The following ENO4 variants were observed in gnomAD, a reference collection of about 807,000 sequenced individuals.
ENO4 encodes the protein enolase 4.
In ENO4, 53 loss-of-function variants were observed where a neutral mutation model predicts 63.2. The observed-to-expected ratio is 0.84, with a 90% CI of 0.67 to 1.05. ENO4 has a LOEUF of 1.05. ENO4 is among the 50% of genes least tolerant of loss of function. The pLI is 0.00. For missense variants in ENO4, 719 were observed against 772.0 expected, an observed-to-expected ratio of 0.93 and a Z score of 0.81; for synonymous variants, 266 against 283.8, an observed-to-expected ratio of 0.94 and a Z score of 0.63.
At chr10:116,866,033 G>A (rs1160134859) in intron 7 of ENO4, among the ~76,000 whole-genome samples, 1 of 152,140 alleles carries the variant, frequency 6.6e-6, no homozygotes, top group African/African-American at 2.4e-5. Context: ...ACTCACCCAA[G>A]ACCCCCAGGT....
At chr10:116,906,488 C>A in intron 10 of ENO4, 1 of 733,730 alleles carries the variant, frequency 1.4e-6, no homozygotes, top group South Asian at 3.2e-5. Context: ...ATATCTTTAC[C>A]CATCCCATAC....
chr10:116,896,801 C>CTTT (rs1230730641), intron 10 of ENO4, among the ~76,000 whole-genome samples: 7 of 121,688 alleles, frequency 5.8e-5, no homozygotes, highest in Non-Finnish European at 8.7e-5. Flanking sequence ...TGATCAGGTA[C>CTTT]TTTTTTTTTT....
At chr10:116,900,369 G>C in intron 10 of ENO4, 1 of 630,860 alleles carries the variant, frequency 1.6e-6, no homozygotes, top group East Asian at 2.7e-5. Flanking sequence ...TCTAACAACT[G>C]TGTCTGTCAA....
chr10:116,849,961 A>G, intron 1 of ENO4: 1 of 688,804 alleles, frequency 1.5e-6, no homozygotes, highest in East Asian at 2.8e-5. Context: ...TGGAGGAAAG[A>G]GGGCGCTAGG....
chr10:116,908,006 A>G (rs764987688), intron 10 of ENO4: 6 of 463,818 alleles, frequency 1.3e-5, no homozygotes, highest in Non-Finnish European at 2.6e-5. Flanking sequence ...AGCATGTAAA[A>G]CAAAAAAAAG....
At chr10:116,892,880 T>C (rs998669133) in intron 10 of ENO4, among the ~76,000 whole-genome samples, 21 of 152,298 alleles carry the variant, frequency 1.4e-4, no homozygotes, top group South Asian at 4.1e-4. Context: ...GTGTAGACTA[T>C]TGAAAAATGG....
chr10:116,905,171 C>T (rs1414501054), intron 10 of ENO4, among the ~76,000 whole-genome samples: 1 of 146,390 alleles, frequency 6.8e-6, no homozygotes, highest in East Asian at 2.0e-4. Flanking sequence ...CACTGCAGTC[C>T]GCAGTCCAGC....
intron 10 of ENO4, among the ~76,000 whole-genome samples, chr10:116,896,580 C>T (rs561864036): frequency 6.0e-4 from 92 of 152,220 alleles, no homozygotes; most frequent in Non-Finnish European, 1.1e-3. Flanking sequence ...AAAATTGAAT[C>T]CACTTTCAAA....
At chr10:116,893,213 A>G (rs905460805) in intron 10 of ENO4, among the ~76,000 whole-genome samples, 1 of 152,164 alleles carries the variant, frequency 6.6e-6, no homozygotes, top group African/African-American at 2.4e-5. Flanking sequence ...AGTCCACAGG[A>G]TAACTCCTTG....
chr10:116,900,562 A>G lies in ENO4; in HGVS notation c.1195-10937A>G, dbSNP rs955880872. The G allele has an allele frequency of 1.4e-5, 21 of 1,534,644 alleles. No homozygotes were observed. The Admixed American group carries it at 1.6e-4, about 11-fold the overall frequency. On this transcript the variant is annotated intron_variant, in intron 10 of 10. Transcript: ENST00000369207. Reference sequence around the variant, plus strand: ...TTATCTGTGTAAAATGGTAAAGGAGAAAAATCTATACACACACACTGAAGC... The same window carrying G: ...TTATCTGTGTAAAATGGTAAAGGAGGAAAATCTATACACACACACTGAAGC...
At chr10:116,911,677 C>A in exon 11 of ENO4, 1 of 1,575,966 alleles carries the variant, frequency 6.3e-7, no homozygotes, top group Non-Finnish European at 8.7e-7. Flanking sequence ...AAAGATGAGG[C>A]TAATTGTAAA....
At position 116,901,434 on chromosome 10, in the gene ENO4, G is replaced by C. The variant is rs1847730545; in HGVS notation, c.1195-10065G>C. The stretch of plus-strand genomic sequence containing the variant: ...TTGGGCTGCTCATGAACCATTAAGA[G>C]GGATGATCGATGTATTTAATCTTGA... On this transcript the variant is annotated intron_variant, in intron 10 of 10. Coordinates refer to the ENO4 transcript ENST00000369207. 29 of 985,170 alleles carry C rather than the reference G, an allele frequency of 2.9e-5. No individual in the cohort carries two copies. In the South Asian group the frequency reaches 1.1e-3, roughly 37 times the overall value. 61.0% of individuals were successfully genotyped at this position (985,170 alleles called of 1,614,324 possible).
chr10:116,873,983 T>C (rs1249613826), intron 9 of ENO4, 93 bp from the exon 10 acceptor site: 3 of 1,409,450 alleles, frequency 2.1e-6, no homozygotes, highest in Non-Finnish European at 2.9e-6. Context: ...ACCTCTTATA[T>C]AAAATGAACG....
intron 4 of ENO4, 65 bp from the exon 5 acceptor site, chr10:116,860,729 G>A: frequency 2.6e-6 from 3 of 1,168,342 alleles, no homozygotes; most frequent in Non-Finnish European, 3.3e-6. Context: ...CTTTTTCCTG[G>A]GTCTTTCCAT....
intron 8 of ENO4, among the ~76,000 whole-genome samples, chr10:116,869,188 G>A (rs372079920): frequency 2.2e-4 from 33 of 152,286 alleles, no homozygotes; most frequent in Middle Eastern, 3.4e-3. Context: ...AGAGTGAGGC[G>A]AACAGCCCTC....
At chr10:116,862,415 AT>A (rs1228443934) in intron 6 of ENO4, among the ~76,000 whole-genome samples, 3 of 152,092 alleles carry the variant, frequency 2.0e-5, no homozygotes, top group Non-Finnish European at 2.9e-5. Context: ...GGCCGAGATC[AT>A]TGCCACTGCA....
intron 3 of ENO4, among the ~76,000 whole-genome samples, chr10:116,858,734 G>A (rs530345962): frequency 1.2e-4 from 18 of 152,132 alleles, no homozygotes; most frequent in South Asian, 4.1e-4. Context: ...AACCCAGGGC[G>A]CTCAAATAAT....
At chr10:116,876,723 G>A (rs1025172826) in intron 11 of ENO4, among the ~76,000 whole-genome samples, 9 of 152,184 alleles carry the variant, frequency 5.9e-5, no homozygotes, top group Admixed American at 2.6e-4. Context: ...GGCTGAGGCC[G>A]GCGGATCACG....
chr10:116,898,577 G>A (rs546775423), intron 10 of ENO4, among the ~76,000 whole-genome samples: 49 of 152,110 alleles, frequency 3.2e-4, no homozygotes, highest in Middle Eastern at 3.4e-3. Context: ...AATTCATAAC[G>A]TTCACATTCA....
Sources: gnomAD v4.1 joint callset for allele counts (sites outside exome capture counted in the v4.1 genomes callset) on GRCh38, gnomAD v4.1.1 for gene constraint, MANE v1.5 for transcripts, NCBI Gene and HGNC (gene_info 2026-07-23, HGNC 2026-07-21) for gene names.